The following ZFHX3 variants were observed in gnomAD, a reference collection of about 807,000 sequenced individuals.
The protein encoded by ZFHX3 is zinc finger homeobox 3, also known as zinc finger homeobox protein 3.
In ZFHX3, 42 loss-of-function variants were observed where a neutral mutation model predicts 279.1. The ratio of observed to expected loss-of-function variants is 0.15; its 90% confidence interval spans 0.12 to 0.19. The LOEUF (loss-of-function observed/expected upper bound fraction) is 0.19, where lower values mean the gene tolerates loss of function less well. ZFHX3 is among the 10% of genes least tolerant of loss of function. ZFHX3 has a pLI of 1.00. For synonymous variants in ZFHX3, 2,293 were observed against 1,957.8 expected, an observed-to-expected ratio of 1.17 and a Z score of -4.52; for missense variants, 4,981 against 4,754.0, an observed-to-expected ratio of 1.05 and a Z score of -1.40.
chr16:73,227,104 G>A (rs2012618823), intron 5 of ZFHX3, among the ~76,000 whole-genome samples: 1 of 152,108 alleles, frequency 6.6e-6, no homozygotes, highest in African/African-American at 2.4e-5. Flanking sequence ...TACGTTAATA[G>A]CACTGTAAGA....
At chr16:73,072,444 CAAAAAAAAAA>C (rs71156138) in intron 8 of ZFHX3, among the ~76,000 whole-genome samples, 1 of 97,762 alleles carries the variant, frequency 1.0e-5, no homozygotes, top group East Asian at 2.9e-4. Context: ...AACTCCGTCT[CAAAAAAAAAA>C]AAAAAAAAGG....
intron 2 of ZFHX3, among the ~76,000 whole-genome samples, chr16:73,528,479 GTCTATGTCTTCAA>G (rs2019733815): frequency 6.6e-6 from 1 of 152,130 alleles, no homozygotes; most frequent in Non-Finnish European, 1.5e-5. Flanking sequence ...ATTCAATATG[GTCTATGTCTTCAA>G]GGAGTTTACA....
At chr16:73,820,028 G>A (rs1253178584) in intron 1 of ZFHX3, among the ~76,000 whole-genome samples, 1 of 152,132 alleles carries the variant, frequency 6.6e-6, no homozygotes, top group Admixed American at 6.5e-5. Context: ...CCATCTCCTT[G>A]AATCTGGGTG....
chr16:73,028,587 A>T (rs997126434), intron 1 of ZFHX3, among the ~76,000 whole-genome samples: 1 of 152,164 alleles, frequency 6.6e-6, no homozygotes, highest in Non-Finnish European at 1.5e-5. Context: ...CAGACAGGGG[A>T]CGATTGTTAG....
intron 1 of ZFHX3, among the ~76,000 whole-genome samples, chr16:73,885,322 T>A (rs1177959129): frequency 6.6e-6 from 1 of 152,180 alleles, no homozygotes; most frequent in Non-Finnish European, 1.5e-5. Context: ...TTTAAAAAAC[T>A]TTTTATATGA....
intron 1 of ZFHX3, among the ~76,000 whole-genome samples, chr16:72,999,332 A>T (rs1336928972): frequency 6.6e-6 from 1 of 151,968 alleles, no homozygotes; most frequent in Non-Finnish European, 1.5e-5. Flanking sequence ...TAATTTTTGT[A>T]TTTTTAGTAG....
At chr16:72,916,641 C>A (rs1254682010) in intron 3 of ZFHX3, among the ~76,000 whole-genome samples, 2 of 152,072 alleles carry the variant, frequency 1.3e-5, no homozygotes, top group Non-Finnish European at 2.9e-5. Flanking sequence ...TTCTGTATGG[C>A]CCCAAGAAAA....
intron 2 of ZFHX3, among the ~76,000 whole-genome samples, chr16:73,534,918 T>C (rs756961095): frequency 3.3e-5 from 5 of 152,250 alleles, no homozygotes; most frequent in African/African-American, 4.8e-5. Flanking sequence ...TCATGACCCA[T>C]GCATGGAGTG....
chr16:73,241,147 C>T (rs930474591), intron 5 of ZFHX3, among the ~76,000 whole-genome samples: 1 of 152,154 alleles, frequency 6.6e-6, no homozygotes, highest in Non-Finnish European at 1.5e-5. Context: ...TCGGCCTTGG[C>T]GAAATGACAG....
At chr16:73,514,806 G>A (rs2019491849) in intron 2 of ZFHX3, among the ~76,000 whole-genome samples, 1 of 152,124 alleles carries the variant, frequency 6.6e-6, no homozygotes. Flanking sequence ...GTGGGCCGCT[G>A]AGCTTGGTAA....
intron 5 of ZFHX3, among the ~76,000 whole-genome samples, chr16:73,221,312 T>C (rs2012412487): frequency 6.6e-6 from 1 of 152,194 alleles, no homozygotes. Flanking sequence ...CTATTCATGG[T>C]TATAATTTCG....
chr16:72,889,959 G>C lies in ZFHX3; in HGVS notation c.3220C>G (p.Leu1074Val), dbSNP rs1471871404. The C allele has an allele frequency of 6.2e-7, 1 of 1,612,528 alleles. No homozygotes were observed. ...HEASLKLYKHLQQHESGVEGE... is the reference protein window; with the variant it reads ...HEASLKLYKHVQQHESGVEGE... ...TCTACACCACTCTCATGCTGCTGCA[G>C]GTGCTGCAAGTAACAAAAGAGAAAG... The change falls in exon 4 of 10, where the codon CTG (leucine) becomes GTG (valine). Residue 1074 changes from leucine (L) to valine (V), a missense_variant. Physicochemically the swap from Leu to Val is conservative, Grantham distance 32 (BLOSUM62 1). Transcript: ENST00000268489.
chr16:73,750,921 G>T (rs1199168525), intron 1 of ZFHX3, among the ~76,000 whole-genome samples: 2 of 152,180 alleles, frequency 1.3e-5, no homozygotes, highest in African/African-American at 4.8e-5. Context: ...AACAACCTAA[G>T]GGACTATGAT....
At chr16:73,858,559 C>T (rs1163018422) in intron 1 of ZFHX3, among the ~76,000 whole-genome samples, 1 of 152,170 alleles carries the variant, frequency 6.6e-6, no homozygotes, top group Admixed American at 6.5e-5. Flanking sequence ...GAAATATTGC[C>T]ACACATTGTC....
chr16:73,862,651 C>T lies in ZFHX3; in HGVS notation c.-1608+29000G>A, dbSNP rs117381964. Among the ~76,000 whole-genome samples the T allele has an allele frequency of 5.3e-3, 808 of 152,092 alleles. 5 individuals are homozygous for T. Among genetic ancestry groups the T allele is most frequent in the Non-Finnish European group, 8.8e-3 (599 of 67,996 alleles). ...AGTAGCCAGGTGTGGTGGCACATGC[C>T]TGTTTGTCTCAGCTATTTGGGAGGC... On this transcript the variant is annotated intron_variant, in intron 1 of 17. Coordinates refer to the ZFHX3 transcript ENST00000641206.
intron 4 of ZFHX3, among the ~76,000 whole-genome samples, chr16:73,260,521 A>G (rs2013789720): frequency 6.6e-6 from 1 of 151,846 alleles, no homozygotes; most frequent in Non-Finnish European, 1.5e-5. Context: ...TTCCGTGAGC[A>G]TTTCCTTACT....
intron 3 of ZFHX3, among the ~76,000 whole-genome samples, chr16:73,418,344 C>T (rs1360442233): frequency 7.7e-6 from 1 of 129,074 alleles, no homozygotes; most frequent in African/African-American, 2.5e-5. Context: ...ACAGGCTCAA[C>T]TCCCAGAAGC....
intron 2 of ZFHX3, among the ~76,000 whole-genome samples, chr16:73,565,647 G>C (rs1450773547): frequency 6.6e-6 from 1 of 152,188 alleles, no homozygotes; most frequent in South Asian, 2.1e-4. Flanking sequence ...CCCTTAGGTT[G>C]TGTGACTTGT....
chr16:72,818,145 G>C (rs1426852062), intron 5 of ZFHX3, among the ~76,000 whole-genome samples: 2 of 152,086 alleles, frequency 1.3e-5, no homozygotes, highest in Non-Finnish European at 2.9e-5. Context: ...CAACACACAA[G>C]ACACAGATGT....
Sources: allele counts gnomAD v4.1 joint callset (sites outside exome capture counted in the v4.1 genomes callset), GRCh38; gene constraint gnomAD v4.1.1; transcripts MANE v1.5; gene names NCBI Gene and HGNC (gene_info 2026-07-23, HGNC 2026-07-21).